Variants in OSBPL6 observed in about 807,000 individuals in gnomAD.
The protein encoded by OSBPL6 is oxysterol-binding protein-related protein 6.
OSBPL6 carries 49 observed loss-of-function variants against 125.8 expected under a neutral mutation model. That is an observed-to-expected ratio of 0.39 (90% CI 0.31 to 0.49). The LOEUF (loss-of-function observed/expected upper bound fraction) is 0.49. OSBPL6 is among the 20% of genes least tolerant of loss of function. The probability of loss-of-function intolerance (pLI) is 0.88; values close to 1 mark genes in which losing one functional copy is unlikely to be tolerated. For synonymous variants in OSBPL6, 394 were observed against 391.8 expected, an observed-to-expected ratio of 1.01 and a Z score of -0.07; for missense variants, 986 against 1,135.4, an observed-to-expected ratio of 0.87 and a Z score of 1.89.
At chr2:178,212,643 G>A (rs2089913021) in intron 1 of OSBPL6, among the ~76,000 whole-genome samples, 1 of 152,192 alleles carries the variant, frequency 6.6e-6, no homozygotes, top group Non-Finnish European at 1.5e-5. Context: ...CACCTTAGCT[G>A]GAAATTACTT....
intron 3 of OSBPL6, 53 bp downstream of exon 3, chr2:178,306,339 C>A: frequency 9.4e-7 from 1 of 1,064,142 alleles, no homozygotes; most frequent in Non-Finnish European, 1.5e-6. Flanking sequence ...TGCAATACCA[C>A]TGAGATAGGA....
Position 178,332,701 on chromosome 2 carries a change from A to G in OSBPL6, c.433A>G (p.Lys145Glu), listed in dbSNP as rs1398090451. The G allele has an allele frequency of 6.2e-7, 1 of 1,614,200 alleles. No individual in the cohort carries two copies. The highest frequency in any genetic ancestry group is 1.7e-5 in the Admixed American group (1 of 60,020). Residue 145 changes from lysine to glutamate, a missense_variant, in exon 7 of 25, where the codon AAG becomes GAG. Physicochemically the swap from Lys to Glu is moderately conservative, Grantham distance 56. Transcript: ENST00000190611. ...DVGLSVMSIKKKARRIDLDTE... is the reference protein window; with the variant it reads ...DVGLSVMSIKEKARRIDLDTE... ...GGGACTCTCAGTCATGTCAATTAAA[A>G]AGAAAGCTCGAAGAATAGACCTTGA...
chr2:178,328,736 C>T (rs1286774445), intron 5 of OSBPL6, among the ~76,000 whole-genome samples: 1 of 152,142 alleles, frequency 6.6e-6, no homozygotes, highest in African/African-American at 2.4e-5. Context: ...GATCCGCCCA[C>T]CTCAGCCTCA....
intron 2 of OSBPL6, among the ~76,000 whole-genome samples, chr2:178,285,595 G>C (rs1684622996): frequency 6.6e-6 from 1 of 152,156 alleles, no homozygotes; most frequent in Admixed American, 6.5e-5. Flanking sequence ...GACTGAAATG[G>C]CTGTGGTACT....
chr2:178,376,642 GGATAATATT>G (rs1693901310), intron 15 of OSBPL6, among the ~76,000 whole-genome samples: 1 of 152,124 alleles, frequency 6.6e-6, no homozygotes, highest in African/African-American at 2.4e-5. Flanking sequence ...AGTGTCCTTA[GGATAATATT>G]CTAAACTCCT....
chr2:178,266,798 T>C (rs567090950), intron 1 of OSBPL6, among the ~76,000 whole-genome samples: 22 of 152,356 alleles, frequency 1.4e-4, no homozygotes, highest in African/African-American at 4.6e-4. Flanking sequence ...GTGCAATTAT[T>C]ACTATTGTTA....
At chr2:178,325,443 A>G (rs560310140) in intron 4 of OSBPL6, among the ~76,000 whole-genome samples, 1 of 152,344 alleles carries the variant, frequency 6.6e-6, no homozygotes, top group Non-Finnish European at 1.5e-5. Context: ...AGACTGCTAA[A>G]CCATGGAAAG....
rs1695670019 is a variant in OSBPL6, at chr2:178,394,346, A to G, written c.2607A>G (p.Ala869=). The change falls in exon 24 of 25, where the codon GCA becomes GCG. Residue 869 remains alanine, a synonymous_variant. Transcript: ENST00000190611. ...AAGAAGGAAATTTAGAAGCTGCAGC[A>G]TCAGAGAAGCAAAGAGTAGAGGAAC... ...FLEEGNLEAA[A]SEKQRVEELQ... is the part of the protein sequence containing the mutation. 6.2e-7 allele frequency: 1 copy of G among 1,613,772 alleles called. No individual in the cohort carries two copies. The highest frequency in any genetic ancestry group is 1.1e-5 in the South Asian group (1 of 91,008).
rs1462837230 is a variant in OSBPL6 at position 178,379,328 on chromosome 2, A to C, written c.1534-3092A>C. Among the ~76,000 whole-genome samples the C allele has an allele frequency of 8.3e-5, 7 of 83,904 alleles. No homozygotes were observed. In the East Asian group the frequency reaches 5.5e-3, roughly 65 times the overall value. The allele number at this position is 83,904 out of a possible 152,430, so 55.0% of individuals were successfully genotyped here. A position where few individuals can be genotyped will look rare whatever the true frequency, so the allele number is the denominator to read the frequency against. On this transcript the variant is annotated intron_variant, in intron 15 of 24. Transcript: ENST00000190611. ...GAAAGAAACAGGAAGGAAGGAAGGA[A>C]AGGAAGGGAGGGAGGGAGGGAGGGA...
At chr2:178,361,128 G>A (rs1692314752) in intron 12 of OSBPL6, among the ~76,000 whole-genome samples, 1 of 152,138 alleles carries the variant, frequency 6.6e-6, no homozygotes, top group Non-Finnish European at 1.5e-5. Flanking sequence ...GTCTGAGAAA[G>A]CAACGCAAGT....
intron 1 of OSBPL6, among the ~76,000 whole-genome samples, chr2:178,265,846 C>T (rs972043170): frequency 6.6e-6 from 1 of 152,018 alleles, no homozygotes; most frequent in African/African-American, 2.4e-5. Context: ...ATTTATTGAG[C>T]ATCATGTAGC....
chr2:178,304,792 A>G (rs1202377933), intron 2 of OSBPL6, among the ~76,000 whole-genome samples: 1 of 152,140 alleles, frequency 6.6e-6, no homozygotes, highest in South Asian at 2.1e-4. Flanking sequence ...TGACCACCAT[A>G]TCGCCATATC....
At chr2:178,290,183 T>G (rs1483309061) in intron 2 of OSBPL6, among the ~76,000 whole-genome samples, 2 of 152,200 alleles carry the variant, frequency 1.3e-5, no homozygotes, top group African/African-American at 4.8e-5. Context: ...GTCATTCTTT[T>G]ATAAAGAACT....
At chr2:178,216,189 TTGTATTTAAA>T (rs1278088165) in intron 1 of OSBPL6, among the ~76,000 whole-genome samples, 2 of 152,162 alleles carry the variant, frequency 1.3e-5, no homozygotes, top group African/African-American at 4.8e-5. Context: ...GGATATCTGT[TTGTATTTAAA>T]TGTTGGTTAG....
chr2:178,344,454 G>A, intron 11 of OSBPL6: 1 of 1,218,918 alleles, frequency 8.2e-7, no homozygotes, highest in Non-Finnish European at 1.2e-6. Context: ...ACTGGTGTGT[G>A]ATGGCATCAC....
rs558692556 is a variant in OSBPL6, at chr2:178,382,908, A to G, written c.1622-116A>G. On this transcript the variant is annotated intron_variant, in intron 16 of 24. Transcript: ENST00000190611. ...GAATTCCATTTACTTTTGAAAAGAT[A>G]TAATGAAGACTCATGAAAGGTCTCA... 113 of 1,472,092 alleles carry G rather than the reference A, an allele frequency of 7.7e-5. No individual in the cohort carries two copies. The African/African-American group carries it at 1.4e-3, about 18-fold the overall frequency. 91.2% of individuals were successfully genotyped at this position (1,472,092 alleles called of 1,614,324 possible). A position where few individuals can be genotyped will look rare whatever the true frequency, so the allele number is the denominator to read the frequency against.
chr2:178,290,426 T>G (rs200661113), intron 2 of OSBPL6, among the ~76,000 whole-genome samples: 1 of 4,396 alleles, frequency 2.3e-4, no homozygotes, highest in African/African-American at 2.9e-4. Flanking sequence ...TTGTAGTGGT[T>G]TTTTTTTTTT....
chr2:178,282,763 T>C (rs1209827071), intron 1 of OSBPL6, among the ~76,000 whole-genome samples: 1 of 152,184 alleles, frequency 6.6e-6, no homozygotes, highest in Non-Finnish European at 1.5e-5. Context: ...GCGATTCTCC[T>C]GCCTCAGCCT....
At chr2:178,269,649 A>G (rs1182491112) in intron 1 of OSBPL6, among the ~76,000 whole-genome samples, 1 of 152,130 alleles carries the variant, frequency 6.6e-6, no homozygotes, top group Non-Finnish European at 1.5e-5. Flanking sequence ...CATTACTCAT[A>G]TTTCCAGACT....
Sources: gnomAD v4.1 joint callset for allele counts (sites outside exome capture counted in the v4.1 genomes callset) on GRCh38, gnomAD v4.1.1 for gene constraint, MANE v1.5 for transcripts, NCBI Gene and HGNC (gene_info 2026-07-23, HGNC 2026-07-21) for gene names.